RANBP17: variants seen among roughly 807,000 people sequenced by gnomAD.
The protein encoded by RANBP17 is ran-binding protein 17.
A neutral mutation model predicts 141.2 loss-of-function variants in RANBP17; 158 were observed. That is an observed-to-expected ratio of 1.12 (90% CI 0.98 to 1.28). The LOEUF (loss-of-function observed/expected upper bound fraction) is 1.28, where lower values mean the gene tolerates loss of function less well. RANBP17 is among the 50% of genes most tolerant of loss of function. RANBP17 has a pLI of 0.00. For missense variants in RANBP17, 1,438 were observed against 1,290.7 expected, an observed-to-expected ratio of 1.11 and a Z score of -1.75; for synonymous variants, 430 against 450.0, an observed-to-expected ratio of 0.96 and a Z score of 0.56.
rs139041656 is a variant in RANBP17, at chr5:170,915,599, G to A, written c.835-866G>A. 3.7e-3 allele frequency among the ~76,000 whole-genome samples: 570 copies of A among 152,094 alleles called. 5 individuals are homozygous for A. Among genetic ancestry groups the A allele is most frequent in the African/African-American group, 0.013 (534 of 41,466 alleles). The stretch of plus-strand genomic sequence containing the variant: ...AAACTGGAGCACATCTAAAAAGGGC[G>A]TCATTTGATTTTTGTCTCTTTTCTC... On this transcript the variant is annotated intron_variant, in intron 8 of 27. Transcript: ENST00000523189.
At chr5:171,134,150 C>T (rs1405360095) in intron 14 of RANBP17, among the ~76,000 whole-genome samples, 1 of 151,996 alleles carries the variant, frequency 6.6e-6, no homozygotes. Flanking sequence ...TAAAATAAGC[C>T]ATTGTTAAAA....
intron 14 of RANBP17, among the ~76,000 whole-genome samples, chr5:171,043,606 G>A (rs1053928172): frequency 3.9e-5 from 6 of 152,160 alleles, no homozygotes; most frequent in Non-Finnish European, 7.4e-5. Context: ...GCATATAAAA[G>A]TTATTATTAG....
chr5:171,050,661 C>T (rs1782897044), intron 14 of RANBP17, among the ~76,000 whole-genome samples: 1 of 152,026 alleles, frequency 6.6e-6, no homozygotes, highest in South Asian at 2.1e-4. Context: ...TGCACTTCAG[C>T]CTGAGTGACA....
At chr5:171,115,750 A>G (rs1463906872) in intron 14 of RANBP17, among the ~76,000 whole-genome samples, 1 of 152,216 alleles carries the variant, frequency 6.6e-6, no homozygotes, top group African/African-American at 2.4e-5. Flanking sequence ...TGTGGTAAAT[A>G]TCGTTAGCTT....
At chr5:171,053,898 TA>T (rs1783147143) in intron 14 of RANBP17, among the ~76,000 whole-genome samples, 6 of 133,928 alleles carry the variant, frequency 4.5e-5, no homozygotes, top group South Asian at 4.7e-4. Context: ...TATATATATA[TA>T]TATATATATA....
At chr5:171,192,473 G>T (rs1025504680) in intron 18 of RANBP17, among the ~76,000 whole-genome samples, 1 of 152,118 alleles carries the variant, frequency 6.6e-6, no homozygotes, top group Admixed American at 6.5e-5. Context: ...AGTCTGCAGT[G>T]GGCAGTGTAT....
chr5:171,060,750 C>T (rs1783772122), intron 14 of RANBP17, among the ~76,000 whole-genome samples: 1 of 151,960 alleles, frequency 6.6e-6, no homozygotes, highest in South Asian at 2.1e-4. Flanking sequence ...ACCAGTTCCT[C>T]CTTGTACCTC....
chr5:171,035,136 C>G (rs181213644), intron 14 of RANBP17, among the ~76,000 whole-genome samples: 11 of 152,108 alleles, frequency 7.2e-5, no homozygotes, highest in Admixed American at 7.2e-4. Flanking sequence ...TTGTAGAAGG[C>G]CTTTCTGATA....
chr5:170,915,590 A>C (rs774709887), intron 8 of RANBP17, among the ~76,000 whole-genome samples: 1 of 152,060 alleles, frequency 6.6e-6, no homozygotes, highest in African/African-American at 2.4e-5. Context: ...GAGCACATCT[A>C]AAAAGGGCGT....
At chr5:171,042,091 A>C (rs538736909) in intron 14 of RANBP17, among the ~76,000 whole-genome samples, 25 of 152,150 alleles carry the variant, frequency 1.6e-4, no homozygotes, top group African/African-American at 6.0e-4. Flanking sequence ...TTTCATGGCT[A>C]CATAGTATTC....
At chr5:171,035,090 A>G (rs1176505538) in intron 14 of RANBP17, among the ~76,000 whole-genome samples, 5 of 151,854 alleles carry the variant, frequency 3.3e-5, no homozygotes, top group Non-Finnish European at 5.9e-5. Flanking sequence ...TATAAGTATA[A>G]GAAATGCTAG....
At chr5:171,282,688 C>T (rs765334699) in intron 25 of RANBP17, among the ~76,000 whole-genome samples, 1 of 152,030 alleles carries the variant, frequency 6.6e-6, no homozygotes, top group Non-Finnish European at 1.5e-5. Flanking sequence ...CGATGTTGGC[C>T]AGGCTGGTCT....
chr5:171,293,444 C>T (rs1768627191), intron 25 of RANBP17, among the ~76,000 whole-genome samples: 1 of 152,238 alleles, frequency 6.6e-6, no homozygotes, highest in Non-Finnish European at 1.5e-5. Flanking sequence ...GAATGTGTCC[C>T]ATTCCCCTCC....
chr5:171,022,316 C>G (rs1780920293), intron 14 of RANBP17, among the ~76,000 whole-genome samples: 1 of 152,174 alleles, frequency 6.6e-6, no homozygotes, highest in South Asian at 2.1e-4. Context: ...GCACTTTGTC[C>G]CTTGGTGGTG....
intron 19 of RANBP17, among the ~76,000 whole-genome samples, chr5:171,200,899 TTG>T (rs1762258677): frequency 1.3e-5 from 2 of 152,216 alleles, no homozygotes; most frequent in South Asian, 4.1e-4. Flanking sequence ...CAGATTCTGT[TTG>T]TGTTTATAGT....
chr5:170,950,456 T>A (rs1257267642), intron 12 of RANBP17, among the ~76,000 whole-genome samples: 1 of 151,730 alleles, frequency 6.6e-6, no homozygotes, highest in Non-Finnish European at 1.5e-5. Context: ...AAGGAGAACA[T>A]ACAAATGGCC....
chr5:171,017,441 C>T (rs1420728797), intron 14 of RANBP17, among the ~76,000 whole-genome samples: 2 of 152,178 alleles, frequency 1.3e-5, no homozygotes, highest in Admixed American at 1.3e-4. Flanking sequence ...TTAATAATCA[C>T]CATTCTGGCT....
chr5:171,299,750 C>T lies in RANBP17; in HGVS notation c.*892C>T, dbSNP rs960905433. 2 of 226,518 alleles carry T rather than the reference C, an allele frequency of 8.8e-6. No individual in the cohort carries two copies. The highest frequency in any genetic ancestry group is 4.4e-5 in the African/African-American group (2 of 44,978). 14.0% of individuals were successfully genotyped at this position (226,518 alleles called of 1,614,324 possible). On this transcript the variant is annotated 3_prime_UTR_variant, in exon 28 of 28. Transcript: ENST00000523189. ...GATGAGAAATAGCTGGTTTCCAACTCTCCACAAAAACTCTTATTACTGTTG... is the reference window on the plus strand; with the variant it reads ...GATGAGAAATAGCTGGTTTCCAACTTTCCACAAAAACTCTTATTACTGTTG...
chr5:171,158,167 A>G (rs1759036853), intron 14 of RANBP17, among the ~76,000 whole-genome samples: 1 of 152,250 alleles, frequency 6.6e-6, no homozygotes, highest in African/African-American at 2.4e-5. Context: ...CAAATGTGAG[A>G]AAAGCACTTG....
Sources: allele counts gnomAD v4.1 joint callset (sites outside exome capture counted in the v4.1 genomes callset), GRCh38; gene constraint gnomAD v4.1.1; transcripts MANE v1.5; gene names NCBI Gene and HGNC (gene_info 2026-07-23, HGNC 2026-07-21).